The following CCNT2 variants were observed in gnomAD, a reference collection of about 807,000 sequenced individuals.
CCNT2 encodes cyclin T2, also known as cyclin-T2.
A neutral mutation model predicts 70.0 loss-of-function variants in CCNT2; 18 were observed. The observed-to-expected ratio is 0.26, with a 90% CI of 0.18 to 0.38. The LOEUF (loss-of-function observed/expected upper bound fraction) is 0.38. Ranked by LOEUF, CCNT2 falls within the 10% of genes least tolerant of loss-of-function variation. The pLI is 1.00. For synonymous variants in CCNT2, 334 were observed against 313.3 expected (o/e 1.07, Z -0.70); for missense variants, 734 against 890.2 (o/e 0.82, Z 2.23).
chr2:134,936,034 G>A (rs1386499618), intron 2 of CCNT2, among the ~76,000 whole-genome samples: 1 of 151,640 alleles, frequency 6.6e-6, no homozygotes, highest in Admixed American at 6.6e-5. Context: ...TCACTATCTT[G>A]TGTGGTAGTT....
intron 2 of CCNT2, among the ~76,000 whole-genome samples, chr2:134,936,366 T>C (rs1681156152): frequency 6.6e-6 from 1 of 152,174 alleles, no homozygotes; most frequent in African/African-American, 2.4e-5. Flanking sequence ...AATAACTTTA[T>C]TAAAACTATT....
At chr2:134,952,559 T>A in intron 7 of CCNT2, 82 bp from the exon 8 acceptor site, 1 of 748,340 alleles carries the variant, frequency 1.3e-6, no homozygotes, top group South Asian at 1.9e-5. Flanking sequence ...ACTCCTAGCA[T>A]TCCTTTTTAA....
At position 134,952,649 on chromosome 2, in the gene CCNT2, CAT is replaced by C. The variant is rs752384251; in HGVS notation, c.713_714del (p.His238ArgfsTer11). The C allele has an allele frequency of 1.3e-6, 2 of 1,587,704 alleles. No homozygotes were observed. Among genetic ancestry groups the C allele is most frequent in the Non-Finnish European group, 1.7e-6 (2 of 1,166,544 alleles). On this transcript the variant is annotated frameshift_variant, in exon 8 of 9. Transcript: ENST00000264157. LOFTEE classifies it high-confidence loss of function. Reference protein sequence around the residue: ...VTLELLDELTHEFLQILEKTP... With the variant: ...VTLELLDELTXEFLQILEKTP... ...TTAAATTTTATTTTTAGAGCTAACA[CAT>C]GAGTTTCTACAAATATTGGAGAAAA... is the stretch of plus-strand genomic sequence containing the variant.
intron 2 of CCNT2, among the ~76,000 whole-genome samples, chr2:134,932,277 AG>A: frequency 6.6e-6 from 1 of 152,216 alleles, no homozygotes; most frequent in Non-Finnish European, 1.5e-5. Flanking sequence ...CTGGGATTAC[AG>A]GCATGAGCCA....
intron 2 of CCNT2, among the ~76,000 whole-genome samples, chr2:134,928,270 A>ATTTATTTTTTTTTTTTTTTT: frequency 1.3e-5 from 1 of 78,002 alleles, no homozygotes; most frequent in East Asian, 6.9e-4. Flanking sequence ...CTCACATTGT[A>ATTTATTTTTTTTTTTTTTTT]TTTCTTTTTT....
At chr2:134,939,403 T>G (rs1213706903) in intron 4 of CCNT2, among the ~76,000 whole-genome samples, 1 of 152,164 alleles carries the variant, frequency 6.6e-6, no homozygotes, top group Non-Finnish European at 1.5e-5. Context: ...CAGCAATCCT[T>G]ATTCTCCTCG....
chr2:134,918,880 C>T lies in CCNT2; in HGVS notation c.26C>T (p.Ser9Phe), dbSNP rs1432217857. 3 of 1,613,686 alleles carry T rather than the reference C, an allele frequency of 1.9e-6. No homozygotes were observed. Among genetic ancestry groups the T allele is most frequent in the Non-Finnish European group, 2.5e-6 (3 of 1,179,784 alleles). Reference sequence around the variant, plus strand: ...ATGGCGTCGGGCCGTGGAGCTTCTTCTCGCTGGTTCTTTACTCGGGAACAG... The same window carrying T: ...ATGGCGTCGGGCCGTGGAGCTTCTTTTCGCTGGTTCTTTACTCGGGAACAG... MASGRGAS[S>F]RWFFTREQLE... The change falls in exon 1 of 9, where the codon TCT becomes TTT. Residue 9 changes from serine to phenylalanine, a missense_variant. Physicochemically the swap from Ser to Phe is radical, Grantham distance 155. Coordinates refer to ENST00000264157, the MANE Select transcript of CCNT2 (RefSeq NM_058241.3).
chr2:134,946,324 G>C (rs1048305068), intron 6 of CCNT2, 178 bp downstream of exon 6: 1 of 1,188,474 alleles, frequency 8.4e-7, no homozygotes, highest in Non-Finnish European at 1.1e-6. Context: ...GCACAGAGGG[G>C]TTAAATGCAC....
chr2:134,941,423 C>G (rs1681572092), intron 4 of CCNT2, among the ~76,000 whole-genome samples: 2 of 152,106 alleles, frequency 1.3e-5, no homozygotes, highest in African/African-American at 4.8e-5. Context: ...TGTTGATTAA[C>G]TGTTTATGTT....
rs1337070138 is a variant in CCNT2 at position 134,956,210 on chromosome 2, TTAAG to T, written c.*1565_*1568del. On this transcript the variant is annotated 3_prime_UTR_variant, in exon 9 of 9. Coordinates refer to ENST00000264157, the MANE Select transcript of CCNT2 (RefSeq NM_058241.3). ...GCCACTGATACGTGCACAATTGTAA[TTAAG>T]TATGTTGCAGTTGTAAATATTAGAG... 11 of 152,658 alleles carry T rather than the reference TTAAG, an allele frequency of 7.2e-5. No individual in the cohort carries two copies. Among genetic ancestry groups the T allele is most frequent in the African/African-American group, 1.2e-4 (5 of 41,470 alleles). 9.5% of individuals were successfully genotyped at this position (152,658 alleles called of 1,614,324 possible). A position where few individuals can be genotyped will look rare whatever the true frequency, so the allele number is the denominator to read the frequency against.
intron 5 of CCNT2, chr2:134,944,152 G>T (rs1681778920): frequency 1.0e-6 from 1 of 984,002 alleles, no homozygotes; most frequent in Non-Finnish European, 1.2e-6. Flanking sequence ...GGTTATATCA[G>T]CGTGTTTTAT....
At chr2:134,930,787 T>A (rs1191132551) in intron 2 of CCNT2, among the ~76,000 whole-genome samples, 1 of 152,132 alleles carries the variant, frequency 6.6e-6, no homozygotes, top group Non-Finnish European at 1.5e-5. Context: ...GCATCCAGTT[T>A]ATTAATATTT....
intron 2 of CCNT2, among the ~76,000 whole-genome samples, chr2:134,920,690 C>T (rs77407263): frequency 1.3e-5 from 2 of 152,060 alleles, no homozygotes. Context: ...TTAATTCTGT[C>T]TTTATTTGTT....
chr2:134,949,085 A>G (rs1386226879), intron 7 of CCNT2, among the ~76,000 whole-genome samples: 1 of 151,832 alleles, frequency 6.6e-6, no homozygotes, highest in Non-Finnish European at 1.5e-5. Context: ...CAGTGGTGCA[A>G]CCTGGGCTCA....
At chr2:134,945,361 G>C in intron 5 of CCNT2, 1 of 985,238 alleles carries the variant, frequency 1.0e-6, no homozygotes, top group Non-Finnish European at 1.2e-6. Flanking sequence ...CATCCCTGTT[G>C]GGAAGACTAA....
At chr2:134,934,057 A>G (rs981778274) in intron 2 of CCNT2, among the ~76,000 whole-genome samples, 2 of 152,214 alleles carry the variant, frequency 1.3e-5, no homozygotes, top group Admixed American at 6.5e-5. Context: ...ATATATTTCT[A>G]TAGAGAAATT....
intron 2 of CCNT2, among the ~76,000 whole-genome samples, chr2:134,932,047 G>A (rs1001261455): frequency 1.3e-5 from 2 of 151,258 alleles, no homozygotes; most frequent in African/African-American, 2.4e-5. Context: ...AGCCTGGAGT[G>A]CAGTGGTGCT....
Position 134,944,370 on chromosome 2 carries a change from A to T in CCNT2, c.493+1696A>T, listed in dbSNP as rs183920739. ...TTGAAGGAAGTACTAGTATATGTTT[A>T]AAAATATTACTTGTGAATATTAACT... On this transcript the variant is annotated intron_variant, in intron 5 of 8. Coordinates refer to ENST00000264157, the MANE Select transcript of CCNT2 (RefSeq NM_058241.3). 5,082 of 964,796 alleles carry T rather than the reference A, an allele frequency of 5.3e-3. 24 individuals are homozygous for T. Among genetic ancestry groups the T allele is most frequent in the Middle Eastern group, 0.013 (24 of 1,866 alleles). 59.8% of individuals were successfully genotyped at this position (964,796 alleles called of 1,614,324 possible). A position where few individuals can be genotyped will look rare whatever the true frequency, so the allele number is the denominator to read the frequency against.
intron 2 of CCNT2, among the ~76,000 whole-genome samples, chr2:134,923,578 T>C (rs1680070517): frequency 6.6e-6 from 1 of 152,256 alleles, no homozygotes; most frequent in African/African-American, 2.4e-5. Context: ...TGCTCTTCAA[T>C]GTAGTAGGTA....
Sources: gnomAD v4.1 joint callset for allele counts (sites outside exome capture counted in the v4.1 genomes callset) on GRCh38, gnomAD v4.1.1 for gene constraint, MANE v1.5 for transcripts, NCBI Gene and HGNC (gene_info 2026-07-23, HGNC 2026-07-21) for gene names.